RBFOX1: variants seen among roughly 807,000 people sequenced by gnomAD.
RBFOX1 encodes RNA binding fox-1 homolog 1, also known as RNA binding protein fox-1 homolog 1.
RBFOX1 carries 8 observed loss-of-function variants against 57.7 expected under a neutral mutation model. That is an observed-to-expected ratio of 0.14 (90% CI 0.08 to 0.25). The LOEUF is 0.25. Among genes scored for constraint, RBFOX1 ranks in the 10% least tolerant of loss-of-function variants. The pLI, the probability that RBFOX1 is intolerant of heterozygous loss-of-function variation, is 1.00. For missense variants in RBFOX1, 611 were observed against 548.5 expected, an observed-to-expected ratio of 1.11 and a Z score of -1.14; for synonymous variants, 326 against 222.4, an observed-to-expected ratio of 1.47 and a Z score of -4.15.
intron 13 of RBFOX1, chr16:7,671,462 G>C: frequency 8.2e-7 from 1 of 1,218,186 alleles, no homozygotes; most frequent in Non-Finnish European, 1.2e-6. Flanking sequence ...AAGCAAACTT[G>C]TAAATGAATT....
chr16:6,147,241 C>T (rs1179293767), intron 1 of RBFOX1, among the ~76,000 whole-genome samples: 1 of 152,224 alleles, frequency 6.6e-6, no homozygotes, highest in Non-Finnish European at 1.5e-5. Flanking sequence ...TTAGCGTCCT[C>T]TGCTGGCCGC....
chr16:6,558,956 C>T (rs546314771), intron 2 of RBFOX1, among the ~76,000 whole-genome samples: 37 of 152,232 alleles, frequency 2.4e-4, no homozygotes, highest in Admixed American at 1.2e-3. Context: ...TTTTACTTCT[C>T]CTTTCACTCT....
chr16:6,478,205 A>G (rs2095304291), intron 2 of RBFOX1, among the ~76,000 whole-genome samples: 1 of 146,058 alleles, frequency 6.8e-6, no homozygotes, highest in African/African-American at 2.5e-5. Flanking sequence ...GCAGGAGCCT[A>G]GCTTTTAGCC....
chr16:7,486,685 G>A (rs545448459), intron 4 of RBFOX1, among the ~76,000 whole-genome samples: 1 of 152,054 alleles, frequency 6.6e-6, no homozygotes, highest in African/African-American at 2.4e-5. Context: ...GATCTGGGTG[G>A]TATCTCCTGC....
chr16:6,696,645 A>G (rs991246541), intron 3 of RBFOX1, among the ~76,000 whole-genome samples: 3 of 152,140 alleles, frequency 2.0e-5, no homozygotes, highest in Non-Finnish European at 2.9e-5. Context: ...CCCTTCTGCT[A>G]TCTGTACAGT....
rs112034065 is a variant in RBFOX1, at chr16:5,994,275, C to A, written c.351+126940C>A. The stretch of plus-strand genomic sequence containing the variant: ...CTCCTGGGTTTAAGCAATTCTCATG[C>A]TTCAGCCTCCTTAGTAGCTGGGATT... On this transcript the variant is annotated intron_variant, in intron 4 of 19. Coordinates refer to the RBFOX1 transcript ENST00000641259. Among the ~76,000 whole-genome samples, 164 of 152,326 alleles carry A rather than the reference C, an allele frequency of 1.1e-3. 1 individual carries two copies. The highest frequency in any genetic ancestry group is 3.9e-3 in the African/African-American group (163 of 41,564).
At chr16:5,505,402 G>C (rs1002837958) in intron 2 of RBFOX1, among the ~76,000 whole-genome samples, 5 of 152,160 alleles carry the variant, frequency 3.3e-5, no homozygotes, top group Non-Finnish European at 5.9e-5. Flanking sequence ...TCATATTTCA[G>C]ACTCCAGCTA....
chr16:5,548,261 C>G (rs1052228258), intron 2 of RBFOX1, among the ~76,000 whole-genome samples: 18 of 142,564 alleles, frequency 1.3e-4, no homozygotes, highest in Non-Finnish European at 4.5e-5. Flanking sequence ...AGTGGGAAAA[C>G]TAACTGTGGG....
At chr16:5,703,079 A>C (rs1057326182) in intron 3 of RBFOX1, among the ~76,000 whole-genome samples, 1 of 152,178 alleles carries the variant, frequency 6.6e-6, no homozygotes, top group Non-Finnish European at 1.5e-5. Context: ...CACTAAGAAG[A>C]TGATGATGAA....
intron 3 of RBFOX1, among the ~76,000 whole-genome samples, chr16:7,019,739 C>G (rs957106222): frequency 2.0e-5 from 3 of 152,204 alleles, no homozygotes; most frequent in Non-Finnish European, 4.4e-5. Flanking sequence ...GTTTCAAACA[C>G]TGCATGTTTA....
chr16:6,823,819 C>T (rs921018668), intron 3 of RBFOX1, among the ~76,000 whole-genome samples: 1 of 152,096 alleles, frequency 6.6e-6, no homozygotes, highest in African/African-American at 2.4e-5. Flanking sequence ...CCTCTGGGGA[C>T]CTAGCCAGGT....
chr16:6,808,576 C>T (rs1266577004), intron 3 of RBFOX1, among the ~76,000 whole-genome samples: 1 of 152,172 alleles, frequency 6.6e-6, no homozygotes, highest in East Asian at 1.9e-4. Context: ...GAATAACTGC[C>T]AAATTTATCA....
chr16:6,642,586 A>T (rs937987975), intron 2 of RBFOX1, among the ~76,000 whole-genome samples: 3 of 151,984 alleles, frequency 2.0e-5, no homozygotes, highest in African/African-American at 4.8e-5. Flanking sequence ...GTCCTCTCAT[A>T]ACCACACTCC....
chr16:6,601,437 G>A (rs919435350), intron 2 of RBFOX1, among the ~76,000 whole-genome samples: 2 of 152,078 alleles, frequency 1.3e-5, no homozygotes, highest in African/African-American at 4.8e-5. Context: ...CCTAAAATCG[G>A]TGTTTGTCAT....
intron 1 of RBFOX1, among the ~76,000 whole-genome samples, chr16:6,183,602 C>G (rs2097083984): frequency 6.6e-6 from 1 of 152,000 alleles, no homozygotes; most frequent in Admixed American, 6.6e-5. Context: ...GAATACATCT[C>G]TGATGTGTAA....
chr16:6,448,397 T>C (rs1326677126), intron 2 of RBFOX1, among the ~76,000 whole-genome samples: 1 of 152,268 alleles, frequency 6.6e-6, no homozygotes, highest in African/African-American at 2.4e-5. Flanking sequence ...GACCTTGTGA[T>C]CTGCCCGCCT....
At chr16:6,772,579 T>G (rs1239515165) in intron 3 of RBFOX1, among the ~76,000 whole-genome samples, 4 of 150,986 alleles carry the variant, frequency 2.6e-5, no homozygotes, top group Non-Finnish European at 5.9e-5. Context: ...TGTGTGTGTA[T>G]GTATATGGGT....
At chr16:7,200,048 A>T (rs866579804) in intron 4 of RBFOX1, among the ~76,000 whole-genome samples, 17 of 152,352 alleles carry the variant, frequency 1.1e-4, no homozygotes, top group South Asian at 6.2e-4. Context: ...GGGAAATTCT[A>T]GAGTGAAATC....
chr16:7,041,378 T>G (rs2046135095), intron 3 of RBFOX1, among the ~76,000 whole-genome samples: 1 of 152,144 alleles, frequency 6.6e-6, no homozygotes, highest in African/African-American at 2.4e-5. Context: ...GCATTTCCTA[T>G]TTGGCTCTTA....
Sources: gnomAD v4.1 joint callset for allele counts (sites outside exome capture counted in the v4.1 genomes callset) on GRCh38, gnomAD v4.1.1 for gene constraint, MANE v1.5 for transcripts, NCBI Gene and HGNC (gene_info 2026-07-23, HGNC 2026-07-21) for gene names.